CLIP2: variants seen among roughly 807,000 people sequenced by gnomAD.
The protein encoded by CLIP2 is CAP-Gly domain containing linker protein 2, also known as CAP-Gly domain-containing linker protein 2.
CLIP2 carries 41 observed loss-of-function variants against 111.7 expected under a neutral mutation model. The ratio of observed to expected loss-of-function variants is 0.37; its 90% CI spans 0.29 to 0.48. The LOEUF is 0.48. Ranked by LOEUF, CLIP2 falls within the 20% of genes least tolerant of loss-of-function variation. The probability of loss-of-function intolerance (pLI) is 0.99; values close to 1 mark genes in which losing one functional copy is unlikely to be tolerated. For missense variants in CLIP2, 1,160 were observed against 1,422.1 expected, an observed-to-expected ratio of 0.82 and a Z score of 2.96; for synonymous variants, 660 against 644.2, an observed-to-expected ratio of 1.02 and a Z score of -0.37.
intron 3 of CLIP2, among the ~76,000 whole-genome samples, chr7:74,351,646 G>A (rs1236340251): frequency 2.6e-5 from 4 of 151,930 alleles, no homozygotes; most frequent in Admixed American, 6.6e-5. Flanking sequence ...GACCAGCCTG[G>A]CCAACATGGC....
intron 8 of CLIP2, among the ~76,000 whole-genome samples, chr7:74,369,984 C>T (rs1790565150): frequency 2.4e-5 from 2 of 82,646 alleles, no homozygotes; most frequent in African/African-American, 6.9e-5. Context: ...ATGGCGAAAC[C>T]CCATCTCTAC....
At chr7:74,402,813 G>T (rs1428211277) in intron 16 of CLIP2, among the ~76,000 whole-genome samples, 3 of 152,184 alleles carry the variant, frequency 2.0e-5, no homozygotes, top group African/African-American at 7.2e-5. Flanking sequence ...CACAGGCAGG[G>T]TTATGTGGGC....
chr7:74,379,915 C>G (rs1365495435), intron 10 of CLIP2: 2 of 152,096 alleles, frequency 1.3e-5, no homozygotes, highest in Admixed American at 6.6e-5. Context: ...CCATTGCACT[C>G]TAGCCTGGAT....
At chr7:74,393,318 G>A (rs1300137188) in intron 13 of CLIP2, among the ~76,000 whole-genome samples, 4 of 147,260 alleles carry the variant, frequency 2.7e-5, no homozygotes, top group East Asian at 4.0e-4. Context: ...ATGAGCCACC[G>A]CACTGGGCCC....
chr7:74,312,385 G>C (rs1788664190), intron 1 of CLIP2, among the ~76,000 whole-genome samples: 1 of 152,160 alleles, frequency 6.6e-6, no homozygotes, highest in South Asian at 2.1e-4. Context: ...CACCTCACTT[G>C]AGTCTCAGCA....
At position 74,338,493 on chromosome 7, in the gene CLIP2, C is replaced by T. The variant is rs1554732586; in HGVS notation, c.167C>T (p.Ala56Val). 1.9e-6 allele frequency: 3 copies of T among 1,612,214 alleles called. No individual in the cohort carries two copies. Among genetic ancestry groups the T allele is most frequent in the Non-Finnish European group, 2.5e-6 (3 of 1,179,642 alleles). The change falls in exon 3 of 17, where the codon GCC becomes GTC. Residue 56 changes from alanine to valine, a missense_variant. This residue lies in a region of CLIP2 where 301 missense variants were observed against 315.2 expected (regional missense o/e 0.96). Transcript: ENST00000223398. The surrounding 1 kb of genome is among the most constrained non-coding windows in gnomAD (Gnocchi z 4.3). ...TCATCTGGACCCTCCTCCTCCCCGG[C>T]CGCAGCTGCTGCCCCCGAGAAGCCG... ...KQSSGPSSSP[A>V]AAAAPEKPGP...
chr7:74,390,062 G>C (rs547350133), intron 13 of CLIP2, among the ~76,000 whole-genome samples: 1 of 144,694 alleles, frequency 6.9e-6, no homozygotes, highest in Non-Finnish European at 1.5e-5. Context: ...CACTCCAGCC[G>C]GGGCAATAGA....
intron 11 of CLIP2, among the ~76,000 whole-genome samples, chr7:74,385,113 T>A (rs28775025): frequency 7.4e-6 from 1 of 135,578 alleles, no homozygotes; most frequent in African/African-American, 2.8e-5. Flanking sequence ...CCTGTCTCTA[T>A]TAAAAATACA....
rs1461859534 is a variant in CLIP2 at position 74,339,062 on chromosome 7, C to T, written c.678+58C>T. 3.3e-6 allele frequency: 5 copies of T among 1,515,822 alleles called. No homozygotes were observed. In the African/African-American group the frequency reaches 6.8e-5, roughly 21 times the overall value. 93.9% of individuals were successfully genotyped at this position (1,515,822 alleles called of 1,614,324 possible). On this transcript the variant is annotated intron_variant, in intron 3 of 16. Coordinates refer to ENST00000223398, the MANE Select transcript of CLIP2 (RefSeq NM_003388.5). ...GCTTCCCTTCCCTCCCCTGCTCCGC[C>T]CCACTTGGCGAAGCTGGACCCCCCT...
At chr7:74,356,328 C>T (rs1790141895) in intron 4 of CLIP2, 82 bp from the exon 5 acceptor site, 1 of 1,139,822 alleles carries the variant, frequency 8.8e-7, no homozygotes, top group Non-Finnish European at 1.3e-6. Flanking sequence ...TTCTGCCAGG[C>T]TCTGAAGAGG....
intron 10 of CLIP2, among the ~76,000 whole-genome samples, chr7:74,379,259 G>A (rs993030120): frequency 2.0e-5 from 3 of 151,658 alleles, no homozygotes; most frequent in East Asian, 1.9e-4. Context: ...AACCCGGGAC[G>A]TGGAGGTTGC....
Position 74,376,441 on chromosome 7 carries a change from G to A in CLIP2, c.2040G>A (p.Lys680=), listed in dbSNP as rs1334628725. The change falls in exon 10 of 17, where the codon AAG becomes AAA. Residue 680 remains lysine, a synonymous_variant. Coordinates refer to ENST00000223398, the MANE Select transcript of CLIP2 (RefSeq NM_003388.5). The surrounding 1 kb of genome is among the most constrained non-coding windows in gnomAD (Gnocchi z 7.1). ...ACCTGGAGACCGCCATGCACGTGAA[G>A]GAGAAGGAGGCCCTGCGAGAGAAGC... The part of the protein sequence containing the change: ...KHDLETAMHV[K]EKEALREKLQ... The A allele has an allele frequency of 6.2e-7, 1 of 1,613,942 alleles. No individual in the cohort carries two copies. The highest frequency in any genetic ancestry group is 1.3e-5 in the African/African-American group (1 of 74,938).
In CLIP2 at chr7:74,338,803, C is replaced by T. The variant is rs111609508; in HGVS notation, c.477C>T (p.His159=). ...PTAEGSGSDA[H]SVESLTAQNL... The stretch of plus-strand genomic sequence containing the variant: ...CCGAGGGCTCGGGGAGTGATGCCCA[C>T]TCCGTGGAGTCGCTGACTGCCCAGA... The change falls in exon 3 of 17, where the codon CAC becomes CAT. Residue 159 remains histidine (H), a synonymous_variant. Coordinates refer to ENST00000223398, the MANE Select transcript of CLIP2 (RefSeq NM_003388.5). The surrounding 1 kb of genome is among the most constrained non-coding windows in gnomAD (Gnocchi z 4.3). 1.6e-3 allele frequency: 2,615 copies of T among 1,611,308 alleles called. 11 individuals are homozygous for T. Among genetic ancestry groups the T allele is most frequent in the African/African-American group, 0.013 (995 of 75,046 alleles).
intron 2 of CLIP2, among the ~76,000 whole-genome samples, chr7:74,319,048 A>T (rs1317665353): frequency 2.0e-5 from 3 of 152,192 alleles, no homozygotes; most frequent in African/African-American, 7.2e-5. Context: ...AGGCCTGCCC[A>T]GTGCAGCCTT....
At chr7:74,377,919 A>G (rs572140129) in intron 10 of CLIP2, among the ~76,000 whole-genome samples, 1 of 150,826 alleles carries the variant, frequency 6.6e-6, no homozygotes, top group South Asian at 2.1e-4. Context: ...TCCGCCTCCC[A>G]GGTTCAAGCA....
At chr7:74,342,967 G>A (rs888034123) in intron 3 of CLIP2, among the ~76,000 whole-genome samples, 10 of 151,708 alleles carry the variant, frequency 6.6e-5, no homozygotes, top group Non-Finnish European at 1.0e-4. Flanking sequence ...CCTGGGAGGC[G>A]GAGCTTGCAG....
In CLIP2 at chr7:74,403,959, T is replaced by C. The variant is rs1262135577; in HGVS notation, c.*111T>C. ...GACTGTCACTTTGGAGACAAAACAG[T>C]GTTTGTAACAATAACGTACTCACCG... On this transcript the variant is annotated 3_prime_UTR_variant, in exon 17 of 17. Coordinates refer to ENST00000223398, the MANE Select transcript of CLIP2 (RefSeq NM_003388.5). The C allele has an allele frequency of 2.5e-6, 3 of 1,214,144 alleles. No individual in the cohort carries two copies. The highest frequency in any genetic ancestry group is 3.0e-5 in the African/African-American group (2 of 67,422). 75.2% of individuals were successfully genotyped at this position (1,214,144 alleles called of 1,614,324 possible). A position where few individuals can be genotyped will look rare whatever the true frequency, so the allele number is the denominator to read the frequency against.
chr7:74,315,497 G>A (rs981164995), intron 1 of CLIP2, among the ~76,000 whole-genome samples: 2 of 151,926 alleles, frequency 1.3e-5, no homozygotes, highest in African/African-American at 4.8e-5. Context: ...CTCCTGCCTT[G>A]GCCCCCCAAA....
rs1789549418 is a variant in CLIP2, at chr7:74,338,551, C to A, written c.225C>A (p.Phe75Leu). The change falls in exon 3 of 17, where the codon TTC (phenylalanine) becomes TTA (leucine). Residue 75 changes from phenylalanine to leucine, a missense_variant. By Grantham distance (22) the Phe-to-Leu change is conservative. Transcript: ENST00000223398. This position sits in a 1 kb window ranked among gnomAD's most constrained non-coding sequence, Gnocchi z 4.3. The stretch of plus-strand genomic sequence containing the variant: ...AGGCGGCGGAAGTGGGGGATGACTT[C>A]CTGGGGGACTTTGTGGTGGGCGAGC... Reference protein sequence around the residue: ...GPKAAEVGDDFLGDFVVGERV... With the variant: ...GPKAAEVGDDLLGDFVVGERV... 6.3e-7 allele frequency: 1 copy of A among 1,595,068 alleles called. No individual in the cohort carries two copies. Among genetic ancestry groups the A allele is most frequent in the East Asian group, 2.3e-5 (1 of 43,630 alleles).
Sources: gnomAD v4.1 joint callset for allele counts (sites outside exome capture counted in the v4.1 genomes callset) on GRCh38, gnomAD v4.1.1 for gene constraint, gnomAD v4.1.1 regional missense constraint, Gnocchi (gnomAD v3.1) non-coding constraint, MANE v1.5 for transcripts, NCBI Gene and HGNC (gene_info 2026-07-23, HGNC 2026-07-21) for gene names.